PGAP4: variants seen among roughly 807,000 people sequenced by gnomAD.
PGAP4 encodes the protein post-GPI attachment to proteins GalNAc transferase 4.
A neutral mutation model predicts 28.2 loss-of-function variants in PGAP4; 12 were observed. The ratio of observed to expected loss-of-function variants is 0.42; its 90% CI spans 0.27 to 0.69. The LOEUF (loss-of-function observed/expected upper bound fraction) is 0.69, where lower values mean the gene tolerates loss of function less well. PGAP4 is among the 30% of genes least tolerant of loss of function. The probability of loss-of-function intolerance (pLI) is 0.22; values close to 1 mark genes in which losing one functional copy is unlikely to be tolerated. For missense variants in PGAP4, 425 were observed against 513.5 expected, an observed-to-expected ratio of 0.83 and a Z score of 1.67; for synonymous variants, 205 against 211.8, an observed-to-expected ratio of 0.97 and a Z score of 0.28.
chr9:101,508,852 G>A (rs117657238), intron 2 of PGAP4, among the ~76,000 whole-genome samples: 179 of 152,226 alleles, frequency 1.2e-3, no homozygotes, highest in Middle Eastern at 3.4e-3. Context: ...CATGACACCC[G>A]AAATGTGTTG....
Position 101,517,731 on chromosome 9 carries a change from G to T in PGAP4, c.-165+13617C>A, listed in dbSNP as rs10989547. On this transcript the variant is annotated intron_variant, in intron 2 of 3. Transcript: ENST00000374851. ...TTTTGTTTTGGAGGTGTGGTATACAGCTCAGTGACTGCTGTGAGCTGTATG... is the reference window on the plus strand; with the variant it reads ...TTTTGTTTTGGAGGTGTGGTATACATCTCAGTGACTGCTGTGAGCTGTATG... 5.3e-5 allele frequency among the ~76,000 whole-genome samples: 8 copies of T among 152,232 alleles called. No individual in the cohort carries two copies. In the East Asian group the frequency reaches 1.2e-3, roughly 22 times the overall value.
chr9:101,476,171 C>A lies in PGAP4; in HGVS notation c.922G>T (p.Val308Leu), dbSNP rs752166272. Residue 308 changes from valine (V) to leucine (L), a missense_variant, in exon 2 of 2, where the codon GTG (valine) becomes TTG (leucine). Coordinates refer to ENST00000374848, the MANE Select transcript of PGAP4 (RefSeq NM_032342.3). This position sits in a 1 kb window ranked among gnomAD's most constrained non-coding sequence, Gnocchi z 7.0. ...SLYSMGLVEL[V>L]GRHYFLELRR... ...AGTTCCAGGAAATAGTGCCGACCCA[C>A]CAGCTCCACCAGACCCATGCTATAC... 6.2e-7 allele frequency: 1 copy of A among 1,614,150 alleles called. No individual in the cohort carries two copies. Among genetic ancestry groups the A allele is most frequent in the Non-Finnish European group, 8.5e-7 (1 of 1,180,026 alleles).
At chr9:101,532,180 G>T (rs1259246967) in intron 1 of PGAP4, among the ~76,000 whole-genome samples, 3 of 151,864 alleles carry the variant, frequency 2.0e-5, no homozygotes, top group Non-Finnish European at 4.4e-5. Flanking sequence ...TGAGGCATGG[G>T]AATTGCTTGA....
intron 2 of PGAP4, among the ~76,000 whole-genome samples, chr9:101,528,888 T>C (rs1046149337): frequency 2.0e-5 from 3 of 151,700 alleles, no homozygotes; most frequent in African/African-American, 4.8e-5. Flanking sequence ...TATTTGATCA[T>C]CCAGATATTA....
chr9:101,485,774 T>C (rs894671030), intron 1 of PGAP4, among the ~76,000 whole-genome samples: 1 of 152,222 alleles, frequency 6.6e-6, no homozygotes, highest in Non-Finnish European at 1.5e-5. Flanking sequence ...AAGTTATTTT[T>C]ATTTTGCTTC....
chr9:101,503,461 TA>T (rs1340294100), intron 2 of PGAP4, among the ~76,000 whole-genome samples: 1 of 152,126 alleles, frequency 6.6e-6, no homozygotes, highest in Non-Finnish European at 1.5e-5. Context: ...CTCAGTTTGT[TA>T]AAATCATAAG....
At chr9:101,509,724 A>G (rs1826878925) in intron 2 of PGAP4, among the ~76,000 whole-genome samples, 1 of 152,102 alleles carries the variant, frequency 6.6e-6, no homozygotes. Context: ...GCATTTCTCT[A>G]TGGATGACAT....
chr9:101,491,812 GATATATATAT>G (rs58209077), upstream of PGAP4, among the ~76,000 whole-genome samples: 226 of 106,260 alleles, frequency 2.1e-3, 2 homozygotes, highest in East Asian at 6.3e-3. Flanking sequence ...AATCTTAAAG[GATATATATAT>G]ATATATATAT....
chr9:101,525,320 T>C (rs1424351907), intron 2 of PGAP4, among the ~76,000 whole-genome samples: 1 of 152,068 alleles, frequency 6.6e-6, no homozygotes, highest in Non-Finnish European at 1.5e-5. Context: ...ATAGAGTGAA[T>C]AGGAGATGAG....
rs1826293600 is a variant in PGAP4 at position 101,476,046 on chromosome 9, G to A, written c.1047C>T (p.Thr349=). The A allele has an allele frequency of 1.2e-6, 2 of 1,614,104 alleles. No homozygotes were observed. The highest frequency in any genetic ancestry group is 1.3e-5 in the African/African-American group (1 of 74,930). Residue 349 remains threonine (T), a synonymous_variant, in exon 2 of 2, where the codon ACC becomes ACT. Transcript: ENST00000374848. This position sits in a 1 kb window ranked among gnomAD's most constrained non-coding sequence, Gnocchi z 7.0. ...FPAPAARRTL[T]YLSQVYCHKG... is the part of the protein sequence containing the mutation. ...TGTGGCAGTACACTTGGGACAGGTA[G>A]GTGAGGGTCCGGCGGGCCGCAGGTG...
At position 101,474,431 on chromosome 9, in the gene PGAP4, A is replaced by G. The variant is rs1362363113; in HGVS notation, c.*1450T>C. The G allele has an allele frequency of 6.6e-6, 1 of 152,252 alleles. No individual in the cohort carries two copies. The highest frequency in any genetic ancestry group is 1.5e-5 in the Non-Finnish European group (1 of 68,048). 9.4% of individuals were successfully genotyped at this position (152,252 alleles called of 1,614,324 possible). A position where few individuals can be genotyped will look rare whatever the true frequency, so the allele number is the denominator to read the frequency against. On this transcript the variant is annotated 3_prime_UTR_variant, in exon 2 of 2. Transcript: ENST00000374848. The stretch of plus-strand genomic sequence containing the variant: ...TAGTCTGACAGTACTGTTAAAAGAC[A>G]TTTATTTGTAACTTTTGAGAAAATA...
chr9:101,475,785 AC>A lies in PGAP4; in HGVS notation c.*95del. On this transcript the variant is annotated 3_prime_UTR_variant, in exon 2 of 2. Transcript: ENST00000374848. Reference sequence around the variant, plus strand: ...GTGCCTATATCTCTAACAACAGTAAACAGTGAAATACCTGCAGGCAACCATG... The same window carrying A: ...GTGCCTATATCTCTAACAACAGTAAAAGTGAAATACCTGCAGGCAACCATG... 7.6e-7 allele frequency: 1 copy of A among 1,318,190 alleles called. No homozygotes were observed. The highest frequency in any genetic ancestry group is 1.1e-6 in the Non-Finnish European group (1 of 944,792). The allele number at this position is 1,318,190 out of a possible 1,614,324, so 81.7% of individuals were successfully genotyped here.
intron 2 of PGAP4, among the ~76,000 whole-genome samples, chr9:101,520,657 CA>C (rs1371334909): frequency 6.6e-6 from 1 of 152,138 alleles, no homozygotes; most frequent in Non-Finnish European, 1.5e-5. Context: ...ATCATATCGT[CA>C]GCAAACAGTG....
intron 2 of PGAP4, among the ~76,000 whole-genome samples, chr9:101,512,029 G>T (rs1453839882): frequency 1.3e-5 from 2 of 152,168 alleles, no homozygotes; most frequent in African/African-American, 4.8e-5. Flanking sequence ...TGAATAATGT[G>T]TTGAGACTGA....
At chr9:101,489,946 G>A (rs73657952), upstream of PGAP4, among the ~76,000 whole-genome samples, 3,466 of 152,190 alleles carry the variant, frequency 0.023, 133 homozygotes, top group African/African-American at 0.079. Context: ...AATATTAATC[G>A]TTACTATTAC....
intron 2 of PGAP4, among the ~76,000 whole-genome samples, chr9:101,521,985 G>A (rs917667346): frequency 6.6e-6 from 1 of 152,052 alleles, no homozygotes; most frequent in African/African-American, 2.4e-5. Flanking sequence ...GCTCATTCAG[G>A]GGCAGGTAAT....
At chr9:101,531,456 C>A (rs189095682) in exon 2 of PGAP4, 6 of 152,330 alleles carry the variant, frequency 3.9e-5, no homozygotes, top group African/African-American at 1.4e-4. Flanking sequence ...TGATTGGCTC[C>A]ATTTCCCTGA....
At chr9:101,496,728 A>G (rs1826754530) in intron 2 of PGAP4, among the ~76,000 whole-genome samples, 1 of 151,072 alleles carries the variant, frequency 6.6e-6, no homozygotes, top group South Asian at 2.1e-4. Context: ...TTAGTTTAGG[A>G]CACAAATTTA....
upstream of PGAP4, among the ~76,000 whole-genome samples, chr9:101,489,752 G>C (rs1037881069): frequency 6.6e-6 from 1 of 152,182 alleles, no homozygotes; most frequent in Non-Finnish European, 1.5e-5. Flanking sequence ...AGGACACAGA[G>C]CTGACTGGAT....
Sources: gnomAD v4.1 joint callset for allele counts (sites outside exome capture counted in the v4.1 genomes callset) on GRCh38, gnomAD v4.1.1 for gene constraint, Gnocchi (gnomAD v3.1) non-coding constraint, MANE v1.5 for transcripts, NCBI Gene and HGNC (gene_info 2026-07-23, HGNC 2026-07-21) for gene names.